The following MPDZ variants were observed in gnomAD, a reference collection of about 807,000 sequenced individuals.
MPDZ encodes multiple PDZ domain crumbs cell polarity complex component.
Under a neutral mutation model 239.1 loss-of-function variants are expected in MPDZ, and 234 were observed. The observed-to-expected ratio is 0.98, with a 90% confidence interval of 0.88 to 1.09. The LOEUF is 1.09. Among genes scored for constraint, MPDZ ranks in the 50% least tolerant of loss-of-function variants. MPDZ has a pLI of 0.00. For synonymous variants in MPDZ, 1,048 were observed against 881.3 expected, an observed-to-expected ratio of 1.19 and a Z score of -3.35; for missense variants, 3,175 against 2,510.0, an observed-to-expected ratio of 1.26 and a Z score of -5.66.
intron 21 of MPDZ, 30 bp downstream of exon 21, chr9:13,175,722 G>A (rs1231028533): frequency 1.3e-6 from 2 of 1,555,434 alleles, no homozygotes; most frequent in Non-Finnish European, 1.7e-6. Flanking sequence ...GGGTTGAGGA[G>A]TAGGTATATG....
At chr9:13,256,278 C>G (rs539806867) in intron 1 of MPDZ, among the ~76,000 whole-genome samples, 2 of 152,174 alleles carry the variant, frequency 1.3e-5, no homozygotes, top group Non-Finnish European at 2.9e-5. Flanking sequence ...GATCTTCTAT[C>G]CAGACCACTA....
intron 17 of MPDZ, among the ~76,000 whole-genome samples, chr9:13,188,121 G>T (rs1954381685): frequency 6.6e-6 from 1 of 152,106 alleles, no homozygotes. Flanking sequence ...GTTAGTTAAT[G>T]CTATTAATTT....
At chr9:13,175,698 T>C (rs1188638063) in intron 21 of MPDZ, 54 bp downstream of exon 21, 2 of 1,500,278 alleles carry the variant, frequency 1.3e-6, no homozygotes, top group Non-Finnish European at 1.8e-6. Flanking sequence ...GTTCAATATT[T>C]CCCCTTGTCA....
At chr9:13,259,147 T>G (rs987922452) in intron 1 of MPDZ, among the ~76,000 whole-genome samples, 1 of 152,200 alleles carries the variant, frequency 6.6e-6, no homozygotes, top group Non-Finnish European at 1.5e-5. Context: ...CATTTTAGCT[T>G]TCACGCTTCC....
Position 13,113,932 on chromosome 9 carries a change from T to A in MPDZ, c.5556A>T (p.Ala1852=). ...TTTAAAATACTGAACCAATCTTACA[T>A]GCATTCTTCTTTGAGCTACTTTCCA... ...ESLESSSKKN[A]LASEIQGLRT... Residue 1852 remains alanine, a splice_region_variant and synonymous_variant, in exon 41 of 47, where the codon GCA becomes GCT. Coordinates refer to ENST00000319217, the MANE Select transcript of MPDZ (RefSeq NM_001378778.1). 1 of 1,583,902 alleles carries A rather than the reference T, an allele frequency of 6.3e-7. No homozygotes were observed. The highest frequency in any genetic ancestry group is 8.6e-7 in the Non-Finnish European group (1 of 1,163,412).
Position 13,250,303 on chromosome 9 carries a change from T to C in MPDZ, c.13A>G (p.Ile5Val), listed in dbSNP as rs200455569. The C allele has an allele frequency of 9.7e-4, 1,544 of 1,594,750 alleles. 1 individual carries two copies. The highest frequency in any genetic ancestry group is 1.2e-3 in the Non-Finnish European group (1,462 of 1,169,662). ...GGCAGAAAAGAATAAGTCTTACCAA[T>C]GGCTTCCAACATTTTTTTCAAAGTT... MLEA[I>V]DKNRALHAAE... is the part of the protein sequence containing the mutation. Residue 5 changes from isoleucine (I) to valine (V), a missense_variant, in exon 2 of 47, where the codon ATT (isoleucine) becomes GTT (valine). Ile to Val is a conservative substitution (Grantham distance 29). Transcript: ENST00000319217.
At chr9:13,212,080 T>C (rs1957687898) in intron 10 of MPDZ, among the ~76,000 whole-genome samples, 1 of 152,120 alleles carries the variant, frequency 6.6e-6, no homozygotes, top group Non-Finnish European at 1.5e-5. Context: ...CAAAACATTC[T>C]TATTGTTCAA....
At chr9:13,183,105 T>G (rs10738326) in intron 19 of MPDZ, among the ~76,000 whole-genome samples, 150,326 of 152,188 alleles carry the variant, frequency 0.99, 74,272 homozygotes, top group Non-Finnish European at 1. Flanking sequence ...TTCCAAAGTA[T>G]ACACTGCTAA....
intron 14 of MPDZ, among the ~76,000 whole-genome samples, 171 bp from the exon 15 acceptor site, chr9:13,192,466 A>T (rs1269628145): frequency 6.6e-6 from 1 of 152,160 alleles, no homozygotes; most frequent in Middle Eastern, 3.2e-3. Flanking sequence ...GTGCAAGTTT[A>T]GAGTATTGTT....
At chr9:13,132,614 A>G (rs1279524043) in intron 32 of MPDZ, among the ~76,000 whole-genome samples, 1 of 152,184 alleles carries the variant, frequency 6.6e-6, no homozygotes, top group African/African-American at 2.4e-5. Flanking sequence ...TAATTATTAA[A>G]ACAATAATAA....
intron 3 of MPDZ, among the ~76,000 whole-genome samples, chr9:13,235,662 G>T (rs542985281): frequency 4.6e-5 from 7 of 152,220 alleles, no homozygotes; most frequent in African/African-American, 1.4e-4. Flanking sequence ...AAAGATAAGG[G>T]TATTCAATTT....
intron 3 of MPDZ, among the ~76,000 whole-genome samples, chr9:13,234,274 C>A (rs1963346970): frequency 6.6e-6 from 1 of 151,978 alleles, no homozygotes; most frequent in South Asian, 2.1e-4. Flanking sequence ...TTTTCAAATA[C>A]ATATATTCAT....
chr9:13,273,677 T>C (rs1973526008), intron 1 of MPDZ, among the ~76,000 whole-genome samples: 1 of 152,158 alleles, frequency 6.6e-6, no homozygotes, highest in South Asian at 2.1e-4. Flanking sequence ...GTAGCCACAG[T>C]AAAGAAAAAA....
intron 15 of MPDZ, among the ~76,000 whole-genome samples, chr9:13,191,495 AC>A (rs1023216915): frequency 6.6e-6 from 1 of 152,164 alleles, no homozygotes; most frequent in African/African-American, 2.4e-5. Flanking sequence ...AAAACAATAA[AC>A]AAACAGGAAA....
At chr9:13,133,964 T>G in intron 31 of MPDZ, 60 bp from the exon 32 acceptor site, 1 of 913,778 alleles carries the variant, frequency 1.1e-6, no homozygotes, top group Non-Finnish European at 1.5e-6. Flanking sequence ...TTGATTTGTT[T>G]AAATATAAAG....
intron 38 of MPDZ, among the ~76,000 whole-genome samples, chr9:13,121,516 C>A (rs965986696): frequency 6.6e-6 from 1 of 152,176 alleles, no homozygotes; most frequent in South Asian, 2.1e-4. Context: ...CTCAAAAATA[C>A]ACCAAATGAC....
At chr9:13,204,670 T>C (rs977812090) in intron 12 of MPDZ, among the ~76,000 whole-genome samples, 3 of 152,300 alleles carry the variant, frequency 2.0e-5, no homozygotes, top group Admixed American at 6.5e-5. Context: ...TTAAATACTT[T>C]ATAATTTTAT....
chr9:13,109,989 C>A lies in MPDZ; in HGVS notation c.5905G>T (p.Gly1969Trp), dbSNP rs1371903422. 6.2e-7 allele frequency: 1 copy of A among 1,613,194 alleles called. No homozygotes were observed. ...TGAAATATACTGCTTGACGTCAGCC[C>A]AGTGAAAGAAAGACTGGAACTTGCA... is the stretch of plus-strand genomic sequence containing the variant. ...EPASSSLSFT[G>W]LTSSSIFQDD... The change falls in exon 45 of 47, where the codon GGG (glycine) becomes TGG (tryptophan). Residue 1969 changes from glycine (G) to tryptophan (W), a missense_variant. Transcript: ENST00000319217.
chr9:13,240,553 T>C (rs1242843626), intron 3 of MPDZ, among the ~76,000 whole-genome samples: 1 of 104,074 alleles, frequency 9.6e-6, no homozygotes, highest in Non-Finnish European at 1.9e-5. Flanking sequence ...GAACTAAGGA[T>C]TCAGAAACAG....
Sources: gnomAD v4.1 joint callset for allele counts (sites outside exome capture counted in the v4.1 genomes callset) on GRCh38, gnomAD v4.1.1 for gene constraint, MANE v1.5 for transcripts, NCBI Gene and HGNC (gene_info 2026-07-23, HGNC 2026-07-21) for gene names.